Variants in ATRNL1 observed in about 807,000 individuals in gnomAD.
ATRNL1 encodes attractin like 1.
ATRNL1 carries 95 observed loss-of-function variants against 182.7 expected under a neutral mutation model. The ratio of observed to expected loss-of-function variants is 0.52; its 90% CI spans 0.44 to 0.62. ATRNL1 has a LOEUF of 0.62. Among genes scored for constraint, ATRNL1 ranks in the 20% least tolerant of loss-of-function variants. The probability of loss-of-function intolerance (pLI) is 0.00; values close to 1 mark genes in which losing one functional copy is unlikely to be tolerated. For missense variants in ATRNL1, 1,471 were observed against 1,679.5 expected (o/e 0.88, Z 2.17); for synonymous variants, 576 against 568.3 (o/e 1.01, Z -0.19).
intron 27 of ATRNL1, among the ~76,000 whole-genome samples, chr10:115,758,276 G>A (rs1948643146): frequency 6.6e-6 from 1 of 151,934 alleles, no homozygotes; most frequent in South Asian, 2.1e-4. Context: ...TTTTTGCACT[G>A]GTTTCTCCCC....
At chr10:115,817,693 G>T (rs567268354) in intron 27 of ATRNL1, among the ~76,000 whole-genome samples, 1 of 151,120 alleles carries the variant, frequency 6.6e-6, no homozygotes, top group East Asian at 1.9e-4. Context: ...ATACAAGAAG[G>T]AAAAGAAACT....
intron 26 of ATRNL1, among the ~76,000 whole-genome samples, chr10:115,622,625 T>C (rs893986098): frequency 6.6e-6 from 1 of 151,762 alleles, no homozygotes; most frequent in Non-Finnish European, 1.5e-5. Flanking sequence ...TGTATTAATA[T>C]TATGTAAAAT....
intron 28 of ATRNL1, among the ~76,000 whole-genome samples, chr10:115,860,604 A>G (rs910006290): frequency 1.3e-5 from 2 of 152,228 alleles, no homozygotes; most frequent in African/African-American, 4.8e-5. Context: ...GCAGAAACAC[A>G]GAGCTAGGAA....
intron 26 of ATRNL1, among the ~76,000 whole-genome samples, chr10:115,625,197 G>A (rs1858015559): frequency 6.6e-6 from 1 of 152,082 alleles, no homozygotes; most frequent in African/African-American, 2.4e-5. Flanking sequence ...AATATATTTG[G>A]AACAGTACAT....
At chr10:115,467,801 C>T (rs912318174) in intron 23 of ATRNL1, among the ~76,000 whole-genome samples, 2 of 150,440 alleles carry the variant, frequency 1.3e-5, no homozygotes, top group Non-Finnish European at 3.0e-5. Context: ...AAAAGTATAT[C>T]TGAGAAGCTG....
At chr10:115,156,443 A>G (rs1262361965) in intron 5 of ATRNL1, among the ~76,000 whole-genome samples, 1 of 152,120 alleles carries the variant, frequency 6.6e-6, no homozygotes, top group Admixed American at 6.6e-5. Context: ...TAGATATCCA[A>G]GTGGAAATGT....
intron 24 of ATRNL1, among the ~76,000 whole-genome samples, chr10:115,472,635 T>C (rs2134578262): frequency 6.6e-6 from 1 of 151,284 alleles, no homozygotes; most frequent in East Asian, 1.9e-4. Context: ...ACTTAACTTC[T>C]GATTTGGAGA....
At chr10:115,610,378 T>C (rs149022643) in intron 26 of ATRNL1, among the ~76,000 whole-genome samples, 163 of 152,334 alleles carry the variant, frequency 1.1e-3, no homozygotes, top group African/African-American at 3.8e-3. Flanking sequence ...GTAGACTGTC[T>C]ATGACTACAA....
At chr10:115,879,305 C>CAAAAAAAAAAAAAAAAAAAAAA (rs140716871) in intron 28 of ATRNL1, among the ~76,000 whole-genome samples, 2 of 107,988 alleles carry the variant, frequency 1.9e-5, no homozygotes, top group Non-Finnish European at 3.7e-5. Context: ...CTCTCTATCT[C>CAAAAAAAAAAAAAAAAAAAAAA]AAAAAAAAAA....
chr10:115,770,602 A>C (rs1319213679), intron 27 of ATRNL1, among the ~76,000 whole-genome samples: 1 of 152,184 alleles, frequency 6.6e-6, no homozygotes, highest in Non-Finnish European at 1.5e-5. Flanking sequence ...CAAAAATTGA[A>C]GTTGAGAAAA....
At chr10:115,390,594 T>C (rs1843968903) in intron 19 of ATRNL1, among the ~76,000 whole-genome samples, 1 of 152,196 alleles carries the variant, frequency 6.6e-6, no homozygotes, top group Non-Finnish European at 1.5e-5. Context: ...AGGTTTGTAG[T>C]ATATTTTGAG....
At chr10:115,729,744 AC>A (rs1947731579) in intron 27 of ATRNL1, among the ~76,000 whole-genome samples, 1 of 152,052 alleles carries the variant, frequency 6.6e-6, no homozygotes, top group South Asian at 2.1e-4. Context: ...TAAAATTAAT[AC>A]TTTAGCATGC....
intron 27 of ATRNL1, among the ~76,000 whole-genome samples, chr10:115,795,738 C>G (rs1208247380): frequency 1.3e-5 from 2 of 152,048 alleles, no homozygotes; most frequent in Non-Finnish European, 2.9e-5. Context: ...CTCTTGCAAA[C>G]TCTATCATGA....
Position 115,093,692 on chromosome 10 carries a change from A to G in ATRNL1, c.-59A>G. The stretch of plus-strand genomic sequence containing the variant: ...GTTTTCTGCGGCCGGAATTCCCTTC[A>G]ACAGCATCCCTGTCGGCGCCCGCGA... On this transcript the variant is annotated 5_prime_UTR_variant, in exon 1 of 29. Coordinates refer to ENST00000355044, the MANE Select transcript of ATRNL1 (RefSeq NM_207303.4). The surrounding 1 kb of genome is among the most constrained non-coding windows in gnomAD (Gnocchi z 6.1). 2.1e-6 allele frequency: 3 copies of G among 1,428,856 alleles called. No homozygotes were observed. Among genetic ancestry groups the G allele is most frequent in the South Asian group, 2.8e-5 (2 of 72,468 alleles). The allele number at this position is 1,428,856 out of a possible 1,614,324, so 88.5% of individuals were successfully genotyped here.
intron 27 of ATRNL1, among the ~76,000 whole-genome samples, chr10:115,822,904 A>G (rs1950337786): frequency 6.6e-6 from 1 of 152,152 alleles, no homozygotes. Flanking sequence ...CAACAGAAAA[A>G]GGGGGACTCC....
intron 28 of ATRNL1, among the ~76,000 whole-genome samples, chr10:115,926,875 C>T (rs1312956768): frequency 1.3e-5 from 2 of 152,040 alleles, no homozygotes; most frequent in Non-Finnish European, 2.9e-5. Flanking sequence ...GAAACTATTC[C>T]AAACAATCGA....
intron 26 of ATRNL1, among the ~76,000 whole-genome samples, chr10:115,613,329 T>C (rs558267839): frequency 6.6e-6 from 1 of 152,192 alleles, no homozygotes; most frequent in Non-Finnish European, 1.5e-5. Flanking sequence ...TGTTCCACAT[T>C]TAGTTATTTG....
intron 24 of ATRNL1, among the ~76,000 whole-genome samples, chr10:115,474,432 A>G (rs1474297699): frequency 1.3e-5 from 2 of 151,234 alleles, no homozygotes; most frequent in African/African-American, 4.8e-5. Context: ...AGTCCTTTTT[A>G]GATTGAATCT....
chr10:115,925,207 A>G (rs960221109), intron 28 of ATRNL1, among the ~76,000 whole-genome samples: 48 of 152,150 alleles, frequency 3.2e-4, no homozygotes, highest in Non-Finnish European at 2.1e-4. Flanking sequence ...AGACAATTTT[A>G]CTTCCTCTCT....
Sources: allele counts gnomAD v4.1 joint callset (sites outside exome capture counted in the v4.1 genomes callset), GRCh38; gene constraint gnomAD v4.1.1; non-coding constraint Gnocchi (gnomAD v3.1); transcripts MANE v1.5; gene names NCBI Gene and HGNC (gene_info 2026-07-23, HGNC 2026-07-21).